The following APBB2 variants were observed in gnomAD, a reference collection of about 807,000 sequenced individuals.
The protein encoded by APBB2 is Fe65-like 1.
In APBB2, 38 loss-of-function variants were observed where a neutral mutation model predicts 82.5. The observed-to-expected ratio is 0.46, with a 90% CI of 0.36 to 0.60. The LOEUF (loss-of-function observed/expected upper bound fraction) is 0.60, where lower values mean the gene tolerates loss of function less well. Among genes scored for constraint, APBB2 ranks in the 20% least tolerant of loss-of-function variants. The probability of loss-of-function intolerance (pLI) is 0.00; values close to 1 mark genes in which losing one functional copy is unlikely to be tolerated. For synonymous variants in APBB2, 341 were observed against 368.2 expected, an observed-to-expected ratio of 0.93 and a Z score of 0.85; for missense variants, 772 against 972.3, an observed-to-expected ratio of 0.79 and a Z score of 2.74.
chr4:41,102,446 A>G (rs560007271), intron 2 of APBB2, among the ~76,000 whole-genome samples: 2 of 152,320 alleles, frequency 1.3e-5, no homozygotes, highest in South Asian at 4.1e-4. Flanking sequence ...CAGCACACTC[A>G]GTTCTGCTAT....
At chr4:40,942,632 G>A (rs1489887823) in intron 7 of APBB2, among the ~76,000 whole-genome samples, 1 of 152,094 alleles carries the variant, frequency 6.6e-6, no homozygotes, top group African/African-American at 2.4e-5. Flanking sequence ...TGAGGAGGCC[G>A]AGCAGCGGGG....
intron 12 of APBB2, among the ~76,000 whole-genome samples, chr4:40,870,939 G>T (rs1765342585): frequency 6.6e-6 from 1 of 152,030 alleles, no homozygotes; most frequent in Non-Finnish European, 1.5e-5. Flanking sequence ...CACCTCTGGG[G>T]ATCTACCCGC....
At chr4:41,202,581 T>C (rs1489683748) in intron 1 of APBB2, among the ~76,000 whole-genome samples, 1 of 152,192 alleles carries the variant, frequency 6.6e-6, no homozygotes, top group African/African-American at 2.4e-5. Flanking sequence ...ATTCATTCTC[T>C]TATAATCTTT....
intron 1 of APBB2, among the ~76,000 whole-genome samples, chr4:41,211,791 C>T (rs958307923): frequency 1.3e-5 from 2 of 152,156 alleles, no homozygotes; most frequent in Non-Finnish European, 2.9e-5. Flanking sequence ...CAGGTATTGT[C>T]TATTTTTAAA....
chr4:41,012,439 C>T (rs965884303), intron 6 of APBB2, among the ~76,000 whole-genome samples: 33 of 152,184 alleles, frequency 2.2e-4, no homozygotes, highest in African/African-American at 7.7e-4. Flanking sequence ...ATTATGATTC[C>T]AATAATGTGC....
At chr4:41,049,126 C>T (rs577996523) in intron 4 of APBB2, among the ~76,000 whole-genome samples, 64 of 148,312 alleles carry the variant, frequency 4.3e-4, no homozygotes, top group South Asian at 2.2e-3. Context: ...GGCCGCCCAT[C>T]GTCTGAGATG....
chr4:41,005,144 T>C (rs1328765617), intron 6 of APBB2, among the ~76,000 whole-genome samples: 1 of 152,002 alleles, frequency 6.6e-6, no homozygotes, highest in Non-Finnish European at 1.5e-5. Flanking sequence ...CAGGCTGGAA[T>C]GCAGTGGGCC....
chr4:40,881,811 G>C (rs973099176), intron 12 of APBB2, among the ~76,000 whole-genome samples: 1 of 151,972 alleles, frequency 6.6e-6, no homozygotes, highest in African/African-American at 2.4e-5. Context: ...TGGGATTACA[G>C]GTATGAGCCA....
At chr4:41,005,650 C>T (rs954402321) in intron 6 of APBB2, among the ~76,000 whole-genome samples, 3 of 152,166 alleles carry the variant, frequency 2.0e-5, no homozygotes, top group African/African-American at 7.2e-5. Context: ...TCCTAAGCTG[C>T]CACTGTCCAC....
intron 1 of APBB2, among the ~76,000 whole-genome samples, chr4:41,155,581 G>A (rs1763240881): frequency 6.6e-6 from 1 of 152,204 alleles, no homozygotes; most frequent in Admixed American, 6.5e-5. Flanking sequence ...GGACGAATAA[G>A]AGAGAATCCG....
chr4:40,881,451 G>A lies in APBB2; in HGVS notation c.1529+8913C>T, dbSNP rs1055934883. The A allele has an allele frequency of 3.3e-6, 3 of 895,824 alleles. No homozygotes were observed. The African/African-American group carries it at 5.5e-5, about 16-fold the overall frequency. 55.5% of individuals were successfully genotyped at this position (895,824 alleles called of 1,614,324 possible). On this transcript the variant is annotated intron_variant, in intron 12 of 17. Transcript: ENST00000508593. ...AAAACAATGACCAAGAAGAAACAGA[G>A]ATAACTTTCAGATTAGCTCAAAAAC...
chr4:40,834,020 G>A (rs1752975659), intron 12 of APBB2, among the ~76,000 whole-genome samples: 1 of 152,154 alleles, frequency 6.6e-6, no homozygotes, highest in Admixed American at 6.5e-5. Context: ...CGCAGAGCAA[G>A]GTGACTGATG....
At chr4:41,074,282 T>C (rs1734856790) in intron 3 of APBB2, among the ~76,000 whole-genome samples, 1 of 152,134 alleles carries the variant, frequency 6.6e-6, no homozygotes, top group Non-Finnish European at 1.5e-5. Flanking sequence ...TCATTAAATC[T>C]GTGAAAACCA....
At chr4:41,056,626 C>A (rs1365746159) in intron 4 of APBB2, among the ~76,000 whole-genome samples, 8 of 152,122 alleles carry the variant, frequency 5.3e-5, no homozygotes, top group Non-Finnish European at 1.0e-4. Context: ...TTCTCAATAC[C>A]CCAGAGAAGT....
intron 6 of APBB2, among the ~76,000 whole-genome samples, chr4:40,949,363 C>T (rs575171282): frequency 6.6e-6 from 1 of 152,072 alleles, no homozygotes; most frequent in African/African-American, 2.4e-5. Context: ...CCATTTTGTC[C>T]GTCATTACAC....
At chr4:41,077,307 C>A (rs1735987394) in intron 3 of APBB2, among the ~76,000 whole-genome samples, 1 of 151,152 alleles carries the variant, frequency 6.6e-6, no homozygotes, top group Non-Finnish European at 1.5e-5. Context: ...CCACACACAG[C>A]CAGGGATTTT....
chr4:40,962,684 T>G (rs1459653566), intron 6 of APBB2, among the ~76,000 whole-genome samples: 1 of 151,070 alleles, frequency 6.6e-6, no homozygotes, highest in Non-Finnish European at 1.5e-5. Context: ...GTTGCCTAGA[T>G]AGTATCTATA....
chr4:40,962,126 A>T (rs988295928), intron 6 of APBB2, among the ~76,000 whole-genome samples: 1 of 152,196 alleles, frequency 6.6e-6, no homozygotes, highest in Admixed American at 6.5e-5. Flanking sequence ...CCAGCAATGA[A>T]AAAGTGATAT....
intron 2 of APBB2, among the ~76,000 whole-genome samples, chr4:41,125,613 T>C (rs1478966019): frequency 1.3e-5 from 2 of 152,218 alleles, no homozygotes; most frequent in Non-Finnish European, 2.9e-5. Flanking sequence ...TCTATTGGAA[T>C]GTGAAATGAA....
Sources: gnomAD v4.1 joint callset for allele counts (sites outside exome capture counted in the v4.1 genomes callset) on GRCh38, gnomAD v4.1.1 for gene constraint, MANE v1.5 for transcripts, NCBI Gene and HGNC (gene_info 2026-07-23, HGNC 2026-07-21) for gene names.